ZPBP: variants seen among roughly 807,000 people sequenced by gnomAD.
The protein encoded by ZPBP is zona pellucida-binding protein 1.
Under a neutral mutation model 44.8 loss-of-function variants are expected in ZPBP, and 26 were observed. The ratio of observed to expected loss-of-function variants is 0.58; its 90% CI spans 0.43 to 0.81. The LOEUF (loss-of-function observed/expected upper bound fraction) is 0.81, where lower values mean the gene tolerates loss of function less well. ZPBP is among the 30% of genes least tolerant of loss of function. The pLI is 0.00. For synonymous variants in ZPBP, 174 were observed against 153.2 expected, an observed-to-expected ratio of 1.14 and a Z score of -1.00; for missense variants, 409 against 434.0, an observed-to-expected ratio of 0.94 and a Z score of 0.51.
At chr7:49,870,251 T>TG (rs1791089935) in intron 2 of ZPBP, among the ~76,000 whole-genome samples, 1 of 151,948 alleles carries the variant, frequency 6.6e-6, no homozygotes, top group African/African-American at 2.4e-5. Context: ...ATACAAAAAA[T>TG]TAGCTGGGCA....
intron 7 of ZPBP, among the ~76,000 whole-genome samples, chr7:49,947,323 T>G (rs1451934696): frequency 6.6e-6 from 1 of 152,136 alleles, no homozygotes; most frequent in African/African-American, 2.4e-5. Context: ...TGGGCTTTTA[T>G]GTACCCATCC....
chr7:49,913,102 C>T (rs1793542997), intron 1 of ZPBP: 1 of 152,174 alleles, frequency 6.6e-6, no homozygotes, highest in African/African-American at 2.4e-5. Context: ...CTACAGATAA[C>T]TCAGCTGTCA....
At chr7:49,901,283 G>A (rs1792709388) in intron 1 of ZPBP, 1 of 151,738 alleles carries the variant, frequency 6.6e-6, no homozygotes, top group Admixed American at 6.6e-5. Context: ...AACTGTCTTT[G>A]TTTGCAGATG....
chr7:50,016,480 G>C (rs1798828786), intron 6 of ZPBP, among the ~76,000 whole-genome samples: 1 of 151,926 alleles, frequency 6.6e-6, no homozygotes, highest in Non-Finnish European at 1.5e-5. Context: ...AAAATTATTT[G>C]TACACCAAAC....
intron 1 of ZPBP, among the ~76,000 whole-genome samples, chr7:49,910,991 G>A (rs998815098): frequency 1.3e-5 from 2 of 152,184 alleles, no homozygotes; most frequent in Non-Finnish European, 2.9e-5. Context: ...GGCCTGGAAG[G>A]TATACTGAAT....
chr7:49,911,976 T>TTA (rs752835343), intron 1 of ZPBP: 12 of 1,263,158 alleles, frequency 9.5e-6, no homozygotes, highest in Admixed American at 2.7e-5. Context: ...TAATACCTAA[T>TTA]TATATATATT....
At chr7:49,969,950 C>A (rs1796230917) in intron 7 of ZPBP, among the ~76,000 whole-genome samples, 1 of 152,020 alleles carries the variant, frequency 6.6e-6, no homozygotes, top group Admixed American at 6.6e-5. Flanking sequence ...ACTTCTGCCA[C>A]CCGGGTTCAA....
intron 5 of ZPBP, among the ~76,000 whole-genome samples, chr7:50,025,369 C>A (rs915264430): frequency 6.6e-6 from 1 of 151,750 alleles, no homozygotes; most frequent in Non-Finnish European, 1.5e-5. Flanking sequence ...ACCAACATTA[C>A]CCAACTTCAG....
chr7:49,983,287 G>A, intron 7 of ZPBP, 55 bp downstream of exon 7: 1 of 1,543,836 alleles, frequency 6.5e-7, no homozygotes. Flanking sequence ...TAGGCTTAAT[G>A]AAAACACATA....
At chr7:49,989,860 A>C (rs1797481274) in intron 6 of ZPBP, among the ~76,000 whole-genome samples, 1 of 152,158 alleles carries the variant, frequency 6.6e-6, no homozygotes, top group African/African-American at 2.4e-5. Context: ...CTTTTTAGGA[A>C]AGCAAGATCA....
At chr7:49,987,728 TTG>T (rs55971066) in intron 6 of ZPBP, among the ~76,000 whole-genome samples, 22,088 of 145,304 alleles carry the variant, frequency 0.15, 1,919 homozygotes, top group Non-Finnish European at 0.21. Flanking sequence ...TATATATGTG[TTG>T]TGTGTGTGTG....
At position 49,877,484 on chromosome 7, in the gene ZPBP, ATATAT is replaced by A. The variant is rs1562747796; in HGVS notation, n.509+23629_509+23633del. On this transcript the variant is annotated intron_variant and non_coding_transcript_variant, in intron 2 of 2. Coordinates refer to the ZPBP transcript ENST00000465922. ...TCTCAAAAAAAAAAAAAAAAAAAATATATATATATATATATATATATATATATATA... is the reference window on the plus strand; with the variant it reads ...TCTCAAAAAAAAAAAAAAAAAAAATAATATATATATATATATATATATATA... 4.1e-3 allele frequency among the ~76,000 whole-genome samples: 108 copies of A among 26,576 alleles called. 24 individuals are homozygous for A. The East Asian group carries it at 0.051, about 13-fold the overall frequency. The allele number at this position is 26,576 out of a possible 152,430, so 17.4% of individuals were successfully genotyped here. A position where few individuals can be genotyped will look rare whatever the true frequency, so the allele number is the denominator to read the frequency against.
At position 49,877,482 on chromosome 7, in the gene ZPBP, ATATATATATATATAT is replaced by A. The variant is rs1473075522; in HGVS notation, n.509+23621_509+23635del. ...TGTCTCAAAAAAAAAAAAAAAAAAA[ATATATATATATATAT>A]ATATATATATATATATATATAGTTA... On this transcript the variant is annotated intron_variant and non_coding_transcript_variant, in intron 2 of 2. Transcript: ENST00000465922. Among the ~76,000 whole-genome samples the A allele has an allele frequency of 3.4e-4, 7 of 20,342 alleles. 2 individuals are homozygous for A. The highest frequency in any genetic ancestry group is 6.3e-4 in the African/African-American group (4 of 6,328). 13.3% of individuals were successfully genotyped at this position (20,342 alleles called of 152,430 possible).
At chr7:49,980,044 A>AT (rs1554360272) in intron 7 of ZPBP, among the ~76,000 whole-genome samples, 10 of 6,672 alleles carry the variant, frequency 1.5e-3, no homozygotes, top group African/African-American at 3.4e-3. Flanking sequence ...ATTATAATAT[A>AT]TATAATATAA....
intron 3 of ZPBP, among the ~76,000 whole-genome samples, chr7:50,072,501 G>A (rs1283701442): frequency 6.6e-6 from 1 of 152,248 alleles, no homozygotes; most frequent in African/African-American, 2.4e-5. Flanking sequence ...AGGGCCTTGA[G>A]CAAACACAGG....
chr7:50,028,678 G>C (rs572288946), intron 5 of ZPBP, among the ~76,000 whole-genome samples: 1 of 150,860 alleles, frequency 6.6e-6, no homozygotes, highest in Non-Finnish European at 1.5e-5. Flanking sequence ...AAAACCCAGT[G>C]TATTTCTATA....
chr7:50,068,047 C>T (rs1210511816), intron 3 of ZPBP, among the ~76,000 whole-genome samples: 2 of 152,150 alleles, frequency 1.3e-5, no homozygotes, highest in Non-Finnish European at 2.9e-5. Context: ...AGTCCTAAAG[C>T]TGGAGCCTGA....
Position 50,058,038 on chromosome 7 carries a change from A to G in ZPBP, c.438T>C (p.Pro146=), listed in dbSNP as rs772194704. The G allele has an allele frequency of 8.1e-6, 13 of 1,613,314 alleles. No homozygotes were observed. In the South Asian group the frequency reaches 1.3e-4, roughly 16 times the overall value. Residue 146 remains proline, a synonymous_variant, in exon 4 of 8, where the codon CCT becomes CCC. Coordinates refer to ENST00000046087, the MANE Select transcript of ZPBP (RefSeq NM_007009.3). ...GACGTTTAACAATTTCTTCCACAGTAGGTTTATATTCGAGGAAACATGTAT... is the reference window on the plus strand; with the variant it reads ...GACGTTTAACAATTTCTTCCACAGTGGGTTTATATTCGAGGAAACATGTAT... ...GIYTCFLEYK[P]TVEEIVKRLQ... is the part of the protein sequence containing the mutation.
chr7:49,944,337 G>A, intron 7 of ZPBP: 1 of 229,370 alleles, frequency 4.4e-6, no homozygotes, highest in Non-Finnish European at 8.7e-6. Flanking sequence ...ACTGTGGCCT[G>A]GTCCCTCATG....
Sources: allele counts gnomAD v4.1 joint callset (sites outside exome capture counted in the v4.1 genomes callset), GRCh38; gene constraint gnomAD v4.1.1; transcripts MANE v1.5; gene names NCBI Gene and HGNC (gene_info 2026-07-23, HGNC 2026-07-21).